The following RGS3 variants were observed in gnomAD, a reference collection of about 807,000 sequenced individuals.
RGS3 encodes regulator of G protein signaling 3, also known as regulator of G-protein signalling 3.
RGS3 carries 80 observed loss-of-function variants against 132.6 expected under a neutral mutation model. The observed-to-expected ratio is 0.60, with a 90% confidence interval of 0.50 to 0.73. The LOEUF (loss-of-function observed/expected upper bound fraction) is 0.73. Among genes scored for constraint, RGS3 ranks in the 30% least tolerant of loss-of-function variants. The pLI, the probability that RGS3 is intolerant of heterozygous loss-of-function variation, is 0.00. For synonymous variants in RGS3, 598 were observed against 620.6 expected, an observed-to-expected ratio of 0.96 and a Z score of 0.54; for missense variants, 1,382 against 1,530.8, an observed-to-expected ratio of 0.90 and a Z score of 1.62.
intron 20 of RGS3, among the ~76,000 whole-genome samples, chr9:113,588,797 G>C (rs1835263076): frequency 6.6e-6 from 1 of 152,204 alleles, no homozygotes; most frequent in African/African-American, 2.4e-5. Flanking sequence ...CCTCACCACA[G>C]CCCTTTGAGG....
At chr9:113,589,511 A>T (rs1835300137) in intron 20 of RGS3, among the ~76,000 whole-genome samples, 1 of 152,188 alleles carries the variant, frequency 6.6e-6, no homozygotes, top group Admixed American at 6.5e-5. Flanking sequence ...CCCATTTCCC[A>T]GCAGCGCAGA....
intron 7 of RGS3, among the ~76,000 whole-genome samples, chr9:113,492,503 TG>T: frequency 6.6e-6 from 1 of 152,340 alleles, no homozygotes; most frequent in South Asian, 2.1e-4. Context: ...CTTAACGCTG[TG>T]GCTCCTTGCC....
chr9:113,462,200 A>G (rs751993350), exon 3 of RGS3: 4 of 1,587,066 alleles, frequency 2.5e-6, no homozygotes, highest in Non-Finnish European at 2.6e-6. Flanking sequence ...TCCAGGGTGC[A>G]GGTAAGTCCA....
exon 22 of RGS3, chr9:113,594,440 A>T: frequency 6.2e-7 from 1 of 1,613,772 alleles, no homozygotes; most frequent in South Asian, 1.1e-5. Flanking sequence ...AGCCAAGGAC[A>T]TGAAGAACAA....
intron 7 of RGS3, among the ~76,000 whole-genome samples, chr9:113,490,277 C>T (rs774016150): frequency 7.2e-5 from 11 of 152,046 alleles, no homozygotes; most frequent in Non-Finnish European, 1.0e-4. Flanking sequence ...GGAGTTTCAT[C>T]AATTATCAAT....
chr9:113,589,554 C>T (rs1214674386), intron 20 of RGS3, among the ~76,000 whole-genome samples: 1 of 152,190 alleles, frequency 6.6e-6, no homozygotes, highest in East Asian at 1.9e-4. Context: ...GGAGTGGTCC[C>T]CAGGCCCATT....
chr9:113,532,010 T>A (rs1034936749), intron 18 of RGS3, among the ~76,000 whole-genome samples: 3 of 152,120 alleles, frequency 2.0e-5, no homozygotes, highest in South Asian at 2.1e-4. Context: ...GGGTGTCTGG[T>A]TGGATTTCAG....
intron 19 of RGS3, chr9:113,541,355 G>A (rs1323719189): frequency 6.2e-7 from 1 of 1,613,856 alleles, no homozygotes; most frequent in East Asian, 2.2e-5. Flanking sequence ...AGCAGGAGAT[G>A]GGGCCGGTCA....
Position 113,463,542 on chromosome 9 carries a change from T to C in RGS3, c.415+1341T>C, listed in dbSNP as rs1339467886. 6.6e-6 allele frequency among the ~76,000 whole-genome samples: 1 copy of C among 152,098 alleles called. No individual in the cohort carries two copies. Among genetic ancestry groups the C allele is most frequent in the Non-Finnish European group, 1.5e-5 (1 of 67,984 alleles). ...GTGGCCGCACCGTCCTGCTGGCTCC[T>C]TGGGTGGCTGCCGTCGCTGCTCAGC... On this transcript the variant is annotated intron_variant, in intron 3 of 24. Transcript: ENST00000350696. This position sits in a 1 kb window ranked among gnomAD's most constrained non-coding sequence, Gnocchi z 4.6.
chr9:113,492,614 CA>C (rs1439473317), intron 7 of RGS3, among the ~76,000 whole-genome samples: 1 of 152,170 alleles, frequency 6.6e-6, no homozygotes, highest in Non-Finnish European at 1.5e-5. Flanking sequence ...CAGAATTAAC[CA>C]AGGCTTGGTT....
chr9:113,474,409 C>A (rs917060388), intron 3 of RGS3, among the ~76,000 whole-genome samples: 2 of 152,168 alleles, frequency 1.3e-5, no homozygotes, highest in Non-Finnish European at 2.9e-5. Context: ...TGTTTCCCAG[C>A]GCCACTGCAG....
At chr9:113,535,254 A>C (rs1012420114) in intron 18 of RGS3, among the ~76,000 whole-genome samples, 4 of 151,772 alleles carry the variant, frequency 2.6e-5, no homozygotes, top group Admixed American at 2.0e-4. Context: ...GCTCACTGCA[A>C]CCTCTGCCTG....
intron 6 of RGS3, 56 bp from the exon 5 acceptor site, chr9:113,485,569 C>CT (rs1316923251): frequency 2.8e-5 from 39 of 1,391,606 alleles, no homozygotes; most frequent in Non-Finnish European, 3.3e-5. Flanking sequence ...TATGAGTCAG[C>CT]TATGGCCTGG....
rs148000382 is a variant in RGS3, at chr9:113,461,702, C to T, written c.81-5C>T. ...CAGTGTGGGCCTCGGTCTTTTCTCTCCTAGGTCACATTCAGACAGCACACC... is the reference window on the plus strand; with the variant it reads ...CAGTGTGGGCCTCGGTCTTTTCTCTTCTAGGTCACATTCAGACAGCACACC... On this transcript the variant is annotated splice_region_variant and splice_polypyrimidine_tract_variant and intron_variant, in intron 1 of 24. Transcript: ENST00000350696. 285 of 1,612,406 alleles carry T rather than the reference C, an allele frequency of 1.8e-4. 1 individual carries two copies. In the African/African-American group the frequency reaches 2.3e-3, roughly 13 times the overall value.
chr9:113,509,012 G>A lies in RGS3; in HGVS notation c.1477+432G>A, dbSNP rs533565457. ...GCAAATCATGTCTCCTTGGTCGGGC[G>A]TGGTGGCTCATTCCTGTAATCCCAG... is the stretch of plus-strand genomic sequence containing the variant. On this transcript the variant is annotated intron_variant, in intron 14 of 24. Transcript: ENST00000350696. 4.6e-5 allele frequency among the ~76,000 whole-genome samples: 7 copies of A among 152,266 alleles called. No homozygotes were observed. In the East Asian group the frequency reaches 5.8e-4, roughly 13 times the overall value.
chr9:113,518,554 C>T (rs1831788892), intron 16 of RGS3, among the ~76,000 whole-genome samples: 1 of 152,212 alleles, frequency 6.6e-6, no homozygotes, highest in Admixed American at 6.5e-5. Context: ...CTATGTGTGA[C>T]TGTGGCTGAA....
At chr9:113,501,564 A>G (rs2119297656) in intron 10 of RGS3, 1 of 1,546,368 alleles carries the variant, frequency 6.5e-7, no homozygotes, top group African/African-American at 1.3e-5. Context: ...CAGCCGAGGC[A>G]GGACCCGCAG....
chr9:113,574,425 G>C (rs1414032185), intron 19 of RGS3, among the ~76,000 whole-genome samples: 1 of 152,230 alleles, frequency 6.6e-6, no homozygotes, highest in African/African-American at 2.4e-5. Context: ...AGGTGGGTGA[G>C]AGATGGACCT....
At chr9:113,481,488 G>C (rs1448113056) in intron 4 of RGS3, among the ~76,000 whole-genome samples, 1 of 152,144 alleles carries the variant, frequency 6.6e-6, no homozygotes, top group Non-Finnish European at 1.5e-5. Flanking sequence ...TCATGGCCAT[G>C]GGGGGCCCAA....
Sources: gnomAD v4.1 joint callset for allele counts (sites outside exome capture counted in the v4.1 genomes callset) on GRCh38, gnomAD v4.1.1 for gene constraint, Gnocchi (gnomAD v3.1) non-coding constraint, MANE v1.5 for transcripts, NCBI Gene and HGNC (gene_info 2026-07-23, HGNC 2026-07-21) for gene names.